The following XXYLT1 variants were observed in gnomAD, a reference collection of about 807,000 sequenced individuals.
XXYLT1 encodes UDP-xylose:alpha-xyloside alpha-1,3-xylosyltransferase.
In XXYLT1, 20 loss-of-function variants were observed where a neutral mutation model predicts 28.9. That is an observed-to-expected ratio of 0.69 (90% CI 0.49 to 1.00). The LOEUF is 1.00. Ranked by LOEUF, XXYLT1 falls within the 50% of genes least tolerant of loss-of-function variation. XXYLT1 has a pLI of 0.00. For missense variants in XXYLT1, 542 were observed against 560.1 expected (o/e 0.97, Z 0.33); for synonymous variants, 257 against 253.8 (o/e 1.01, Z -0.12).
In XXYLT1 at chr3:195,250,591, A is replaced by G. The variant is rs1170710029; in HGVS notation, c.504+19964T>C. Among the ~76,000 whole-genome samples, 8 of 150,668 alleles carry G rather than the reference A, an allele frequency of 5.3e-5. No individual in the cohort carries two copies. The East Asian group carries it at 9.8e-4, about 18-fold the overall frequency. ...AAAAAAAAAAAAAAACACTGCAACC[A>G]CCCCCATACTCCTGGTCCTCTTCTC... On this transcript the variant is annotated intron_variant, in intron 1 of 3. Coordinates refer to ENST00000310380, the MANE Select transcript of XXYLT1 (RefSeq NM_152531.5).
intron 1 of XXYLT1, among the ~76,000 whole-genome samples, chr3:195,241,230 C>T (rs747933612): frequency 6.6e-6 from 1 of 152,208 alleles, no homozygotes; most frequent in Non-Finnish European, 1.5e-5. Flanking sequence ...TATCCATACA[C>T]TTGGAGGACA....
chr3:195,134,501 T>A (rs1230111238), intron 3 of XXYLT1: 1 of 155,376 alleles, frequency 6.4e-6, no homozygotes, highest in Non-Finnish European at 1.5e-5. Context: ...TACAGAAACA[T>A]GTTGTACAGG....
At chr3:195,095,301 G>C (rs1174107645) in intron 3 of XXYLT1, 1 of 153,746 alleles carries the variant, frequency 6.5e-6, no homozygotes, top group Non-Finnish European at 1.5e-5. Flanking sequence ...CCCTGTGGCG[G>C]TGGTGAGTGT....
At position 195,180,468 on chromosome 3, in the gene XXYLT1, T is replaced by C. The variant is rs1299561962; in HGVS notation, c.653-23887A>G. On this transcript the variant is annotated intron_variant, in intron 2 of 3. Coordinates refer to ENST00000310380, the MANE Select transcript of XXYLT1 (RefSeq NM_152531.5). This position sits in a 1 kb window ranked among gnomAD's most constrained non-coding sequence, Gnocchi z 5.8. Reference sequence around the variant, plus strand: ...CATTTCATGAACTTCTTTTGAACAATTTCCTGTTCCTTTTTCTTTCTATGC... The same window carrying C: ...CATTTCATGAACTTCTTTTGAACAACTTCCTGTTCCTTTTTCTTTCTATGC... The C allele has an allele frequency of 1.9e-5, 19 of 985,430 alleles. No homozygotes were observed. Among genetic ancestry groups the C allele is most frequent in the Non-Finnish European group, 2.3e-5 (19 of 830,024 alleles). 61.0% of individuals were successfully genotyped at this position (985,430 alleles called of 1,614,324 possible). A position where few individuals can be genotyped will look rare whatever the true frequency, so the allele number is the denominator to read the frequency against.
intron 2 of XXYLT1, among the ~76,000 whole-genome samples, chr3:195,199,818 A>C (rs1215643154): frequency 6.6e-6 from 1 of 152,060 alleles, no homozygotes; most frequent in Non-Finnish European, 1.5e-5. Flanking sequence ...CCTGGGTCCC[A>C]TGTGTCCACT....
chr3:195,163,238 A>G (rs568910075), intron 2 of XXYLT1, among the ~76,000 whole-genome samples: 17 of 152,342 alleles, frequency 1.1e-4, no homozygotes, highest in African/African-American at 4.1e-4. Context: ...GCAACTTTTC[A>G]AATTCTCCAT....
chr3:195,123,872 G>A (rs1375060060), intron 3 of XXYLT1, among the ~76,000 whole-genome samples: 2 of 152,190 alleles, frequency 1.3e-5, no homozygotes, highest in African/African-American at 4.8e-5. Flanking sequence ...CCAGCACACA[G>A]AGCAGAAGGC....
intron 1 of XXYLT1, among the ~76,000 whole-genome samples, chr3:195,267,154 T>C (rs1162036414): frequency 6.6e-6 from 1 of 152,260 alleles, no homozygotes; most frequent in Non-Finnish European, 1.5e-5. Flanking sequence ...CACTTGAAAA[T>C]GGCCTGAGAC....
At chr3:195,201,753 T>TA (rs1464859198) in intron 2 of XXYLT1, among the ~76,000 whole-genome samples, 1 of 152,136 alleles carries the variant, frequency 6.6e-6, no homozygotes, top group Non-Finnish European at 1.5e-5. Flanking sequence ...GCCCAAGGGA[T>TA]AAAGGCATTA....
At chr3:195,119,779 T>C (rs1423556108) in intron 3 of XXYLT1, among the ~76,000 whole-genome samples, 6 of 152,228 alleles carry the variant, frequency 3.9e-5, no homozygotes, top group Non-Finnish European at 8.8e-5. Context: ...AACCACCCTG[T>C]GTTTTCCTAG....
chr3:195,245,379 T>C (rs530749975), intron 1 of XXYLT1, among the ~76,000 whole-genome samples: 5 of 151,882 alleles, frequency 3.3e-5, no homozygotes, highest in Non-Finnish European at 2.9e-5. Flanking sequence ...AGGTTGGTCT[T>C]GAACTCCTGC....
chr3:195,110,630 G>GC (rs758166445), intron 3 of XXYLT1, among the ~76,000 whole-genome samples: 60 of 14,452 alleles, frequency 4.2e-3, no homozygotes, highest in Admixed American at 8.9e-3. Flanking sequence ...GTGTGTGTGT[G>GC]GTGTGTGATG....
intron 3 of XXYLT1, among the ~76,000 whole-genome samples, chr3:195,101,464 G>T (rs766831778): frequency 6.6e-6 from 1 of 152,170 alleles, no homozygotes; most frequent in Non-Finnish European, 1.5e-5. Flanking sequence ...TTCTAGAAAT[G>T]CACACAACTG....
chr3:195,110,545 GGTGTGTGTGT>G (rs761573003), intron 3 of XXYLT1, among the ~76,000 whole-genome samples: 1 of 14,056 alleles, frequency 7.1e-5, no homozygotes, highest in Non-Finnish European at 1.9e-4. Context: ...GCGTGTGTGT[GGTGTGTGTGT>G]GGTGTATGTA....
Position 195,078,041 on chromosome 3 carries a change from G to T in XXYLT1, c.786-7930C>A, listed in dbSNP as rs964577909. Among the ~76,000 whole-genome samples, 2 of 152,304 alleles carry T rather than the reference G, an allele frequency of 1.3e-5. No homozygotes were observed. Among genetic ancestry groups the T allele is most frequent in the Middle Eastern group, 3.4e-3 (1 of 294 alleles). ...GGCAAGGGACAGAGATGAGGGGGAA[G>T]AGGCAGTGGAGGGGCTTTAAGCCTG... is the stretch of plus-strand genomic sequence containing the variant. On this transcript the variant is annotated intron_variant, in intron 3 of 3. Coordinates refer to ENST00000310380, the MANE Select transcript of XXYLT1 (RefSeq NM_152531.5). This position sits in a 1 kb window ranked among gnomAD's most constrained non-coding sequence, Gnocchi z 5.0.
intron 3 of XXYLT1, among the ~76,000 whole-genome samples, chr3:195,111,463 T>C (rs973636461): frequency 6.6e-6 from 1 of 151,718 alleles, no homozygotes; most frequent in Non-Finnish European, 1.5e-5. Flanking sequence ...GGAAAGGAGG[T>C]GGCGGAGAGG....
chr3:195,109,573 T>C (rs973448754), intron 3 of XXYLT1, among the ~76,000 whole-genome samples: 1 of 121,674 alleles, frequency 8.2e-6, no homozygotes, highest in African/African-American at 3.1e-5. Context: ...GTGTGTGTGG[T>C]TGTGTGGCAT....
chr3:195,261,740 T>G (rs1162948035), intron 1 of XXYLT1, among the ~76,000 whole-genome samples: 1 of 152,248 alleles, frequency 6.6e-6, no homozygotes, highest in African/African-American at 2.4e-5. Context: ...CAAATACATG[T>G]ATGTAGTTGT....
intron 2 of XXYLT1, among the ~76,000 whole-genome samples, chr3:195,219,235 C>T (rs969342541): frequency 2.0e-5 from 3 of 151,944 alleles, no homozygotes; most frequent in African/African-American, 7.3e-5. Flanking sequence ...TTAGTGGGTG[C>T]AGCGCACCAG....
Sources: allele counts gnomAD v4.1 joint callset (sites outside exome capture counted in the v4.1 genomes callset), GRCh38; gene constraint gnomAD v4.1.1; non-coding constraint Gnocchi (gnomAD v3.1); transcripts MANE v1.5; gene names NCBI Gene and HGNC (gene_info 2026-07-23, HGNC 2026-07-21).